KCNT1: variants seen among roughly 807,000 people sequenced by gnomAD.
KCNT1 encodes potassium sodium-activated channel subfamily T member 1.
In KCNT1, 78 loss-of-function variants were observed where a neutral mutation model predicts 147.8. That is an observed-to-expected ratio of 0.53 (90% CI 0.44 to 0.64). The LOEUF is 0.64. Among genes scored for constraint, KCNT1 ranks in the 30% least tolerant of loss-of-function variants. The pLI, the probability that KCNT1 is intolerant of heterozygous loss-of-function variation, is 0.00. For synonymous variants in KCNT1, 867 were observed against 748.8 expected (o/e 1.16, Z -2.58); for missense variants, 1,419 against 1,750.3 (o/e 0.81, Z 3.38).
chr9:135,787,973 C>T (rs1367605991), intron 29 of KCNT1: 3 of 730,748 alleles, frequency 4.1e-6, no homozygotes, highest in South Asian at 1.5e-5. Flanking sequence ...GACCGACTCG[C>T]TTCTGGTGGC....
intron 14 of KCNT1, 72 bp from the exon 15 acceptor site, chr9:135,768,757 C>A: frequency 6.5e-7 from 1 of 1,544,566 alleles, no homozygotes. Flanking sequence ...AGACCTGCCC[C>A]AGGCTGCCGG....
chr9:135,737,446 C>G (rs1471642811), intron 2 of KCNT1, among the ~76,000 whole-genome samples: 1 of 152,188 alleles, frequency 6.6e-6, no homozygotes, highest in African/African-American at 2.4e-5. Context: ...CAGCACCTTT[C>G]CCGTGCCAGG....
At chr9:135,717,079 C>T (rs1835749009) in intron 2 of KCNT1, among the ~76,000 whole-genome samples, 1 of 142,294 alleles carries the variant, frequency 7.0e-6, no homozygotes, top group Non-Finnish European at 1.5e-5. Context: ...GGACCTGGCC[C>T]CTGTGGTATT....
chr9:135,729,793 C>T (rs900683504), intron 2 of KCNT1, among the ~76,000 whole-genome samples: 3 of 152,318 alleles, frequency 2.0e-5, no homozygotes, highest in Middle Eastern at 3.4e-3. Context: ...AAATGTTGCA[C>T]GTGCCCTTGG....
At chr9:135,739,431 C>T (rs1432040364) in intron 2 of KCNT1, among the ~76,000 whole-genome samples, 1 of 151,312 alleles carries the variant, frequency 6.6e-6, no homozygotes, top group Non-Finnish European at 1.5e-5. Flanking sequence ...AGGAGATGGT[C>T]CCCTGAGCCC....
intron 18 of KCNT1, among the ~76,000 whole-genome samples, chr9:135,772,454 C>G (rs1360147602): frequency 6.6e-6 from 1 of 152,148 alleles, no homozygotes; most frequent in African/African-American, 2.4e-5. Context: ...GGTGCTGAGG[C>G]CACAGCAGCT....
intron 1 of KCNT1, among the ~76,000 whole-genome samples, chr9:135,707,135 A>C (rs1835289971): frequency 6.6e-6 from 1 of 152,042 alleles, no homozygotes; most frequent in African/African-American, 2.4e-5. Flanking sequence ...AAAAAAAAAA[A>C]ATTAAAAATT....
intron 29 of KCNT1, 191 bp from the exon 30 acceptor site, chr9:135,791,606 T>C (rs1040099169): frequency 1.7e-6 from 1 of 580,968 alleles, no homozygotes; most frequent in Non-Finnish European, 3.1e-6. Context: ...CCCTGCCCTG[T>C]GTGGAGATGG....
At chr9:135,702,852 C>T (rs1177093188) in intron 1 of KCNT1, among the ~76,000 whole-genome samples, 1 of 152,114 alleles carries the variant, frequency 6.6e-6, no homozygotes, top group African/African-American at 2.4e-5. Context: ...AAGGAAGAGT[C>T]CCCAGTGGGA....
chr9:135,792,166 G>T lies in KCNT1; in HGVS notation c.*5G>T. 1.2e-6 allele frequency: 2 copies of T among 1,603,812 alleles called. No homozygotes were observed. ...CGCGACGAGACACAGCTCTGAGCCA[G>T]CCCTGCACGGAGCTCAGGCCACCAA... On this transcript the variant is annotated 3_prime_UTR_variant, in exon 31 of 31. Coordinates refer to ENST00000371757, the MANE Select transcript of KCNT1 (RefSeq NM_020822.3).
intron 26 of KCNT1, 45 bp from the exon 27 acceptor site, chr9:135,784,716 G>T (rs767816973): frequency 1.2e-5 from 19 of 1,609,146 alleles, no homozygotes; most frequent in Non-Finnish European, 1.6e-5. Context: ...GGAGGCTCTG[G>T]GTGCTGCCAC....
chr9:135,711,511 T>C (rs992009662), intron 1 of KCNT1, among the ~76,000 whole-genome samples: 2 of 152,248 alleles, frequency 1.3e-5, no homozygotes, highest in African/African-American at 2.4e-5. Context: ...CAGGATTCCA[T>C]GCCACCACCT....
At position 135,753,968 on chromosome 9, in the gene KCNT1, A is replaced by G; in HGVS notation, c.466A>G (p.Asn156Asp). 6.2e-7 allele frequency: 1 copy of G among 1,614,048 alleles called. No homozygotes were observed. Among genetic ancestry groups the G allele is most frequent in the Non-Finnish European group, 8.5e-7 (1 of 1,179,968 alleles). Residue 156 changes from asparagine to aspartate, a missense_variant, in exon 5 of 31, where the codon AAT becomes GAT. Asn to Asp is a conservative substitution (Grantham distance 23). Around this residue, in one of 5 missense-constraint regions of KCNT1, gnomAD observed 401 missense variants for 610.6 expected, o/e 0.66. Transcript: ENST00000371757. ...WGCPKQNYSFNDSSSEINWAP... is the reference protein window; with the variant it reads ...WGCPKQNYSFDDSSSEINWAP... Reference sequence around the variant, plus strand: ...CTGCCCAAAGCAGAACTACTCCTTCAATGACTCGTCCTCCGAGATCAACTG... The same window carrying G: ...CTGCCCAAAGCAGAACTACTCCTTCGATGACTCGTCCTCCGAGATCAACTG...
At chr9:135,755,887 C>T (rs1463995473) in intron 6 of KCNT1, among the ~76,000 whole-genome samples, 1 of 149,394 alleles carries the variant, frequency 6.7e-6, no homozygotes, top group African/African-American at 2.5e-5. Context: ...GTCCCAGGCT[C>T]AGTAAGCATG....
chr9:135,734,744 C>T (rs1171560446), intron 2 of KCNT1, among the ~76,000 whole-genome samples: 4 of 152,194 alleles, frequency 2.6e-5, no homozygotes, highest in Admixed American at 2.6e-4. Flanking sequence ...GAGGCTTCCT[C>T]CAGCACTGCG....
At chr9:135,726,949 T>C (rs375151840) in intron 2 of KCNT1, among the ~76,000 whole-genome samples, 1 of 1,572 alleles carries the variant, frequency 6.4e-4, no homozygotes, top group Non-Finnish European at 1.1e-3. Context: ...CTCCCTCTCT[T>C]TCCCATTCTC....
At chr9:135,743,992 C>T (rs967947607) in intron 2 of KCNT1, among the ~76,000 whole-genome samples, 2 of 152,268 alleles carry the variant, frequency 1.3e-5, no homozygotes, top group African/African-American at 4.8e-5. Flanking sequence ...TTCCTGCCTG[C>T]CTGCCTGGTG....
At chr9:135,708,602 G>A (rs1835351947) in intron 1 of KCNT1, among the ~76,000 whole-genome samples, 1 of 152,242 alleles carries the variant, frequency 6.6e-6, no homozygotes, top group Non-Finnish European at 1.5e-5. Context: ...CCAGGCTGGA[G>A]TGCAGTGGCG....
intron 29 of KCNT1, chr9:135,788,048 A>C: frequency 7.1e-7 from 1 of 1,410,910 alleles, no homozygotes; most frequent in Non-Finnish European, 1.0e-6. Context: ...TCGCTTGCTG[A>C]TATTCTCTCT....
Sources: allele counts gnomAD v4.1 joint callset (sites outside exome capture counted in the v4.1 genomes callset), GRCh38; gene constraint gnomAD v4.1.1; regional missense constraint gnomAD v4.1.1; transcripts MANE v1.5; gene names NCBI Gene and HGNC (gene_info 2026-07-23, HGNC 2026-07-21).